USP12: variants seen among roughly 807,000 people sequenced by gnomAD.
The protein encoded by USP12 is ubiquitin carboxyl-terminal hydrolase 12.
In USP12, 19 loss-of-function variants were observed where a neutral mutation model predicts 45.5. The ratio of observed to expected loss-of-function variants is 0.42; its 90% CI spans 0.29 to 0.61. The LOEUF (loss-of-function observed/expected upper bound fraction) is 0.61. Among genes scored for constraint, USP12 ranks in the 20% least tolerant of loss-of-function variants. The probability of loss-of-function intolerance (pLI) is 0.22; values close to 1 mark genes in which losing one functional copy is unlikely to be tolerated. For synonymous variants in USP12, 149 were observed against 148.8 expected (o/e 1.00, Z -0.01); for missense variants, 242 against 447.7 (o/e 0.54, Z 4.15).
intron 3 of USP12, among the ~76,000 whole-genome samples, chr13:27,102,391 A>C (rs1474131989): frequency 6.6e-6 from 1 of 152,022 alleles, no homozygotes; most frequent in Non-Finnish European, 1.5e-5. Flanking sequence ...AGGCCCACCC[A>C]GCAGCCAAAG....
intron 6 of USP12, among the ~76,000 whole-genome samples, chr13:27,075,967 T>A (rs1873463617): frequency 2.0e-5 from 3 of 147,958 alleles, no homozygotes; most frequent in African/African-American, 5.0e-5. Context: ...GAGGCGGAGG[T>A]TGCAGTGAGC....
chr13:27,138,960 G>A (rs1876932051), intron 1 of USP12, among the ~76,000 whole-genome samples: 1 of 152,170 alleles, frequency 6.6e-6, no homozygotes, highest in Non-Finnish European at 1.5e-5. Flanking sequence ...AGGTGTCACA[G>A]TTTCAACGGT....
intron 1 of USP12, among the ~76,000 whole-genome samples, chr13:27,168,396 G>A (rs1566010802): frequency 6.6e-6 from 1 of 152,158 alleles, no homozygotes; most frequent in Non-Finnish European, 1.5e-5. Flanking sequence ...TCCAAAGCAG[G>A]GGCTGTCCTG....
chr13:27,094,001 C>T (rs1286725080), intron 4 of USP12, among the ~76,000 whole-genome samples: 1 of 152,122 alleles, frequency 6.6e-6, no homozygotes, highest in Non-Finnish European at 1.5e-5. Flanking sequence ...CTTTACAGGA[C>T]TCTTAGCTTT....
intron 6 of USP12, among the ~76,000 whole-genome samples, chr13:27,082,323 C>T (rs1873796966): frequency 6.6e-6 from 1 of 152,214 alleles, no homozygotes. Context: ...CCCACCCCTG[C>T]TAGCTTCAAA....
At chr13:27,120,830 T>C (rs1373094902) in intron 1 of USP12, among the ~76,000 whole-genome samples, 2 of 152,132 alleles carry the variant, frequency 1.3e-5, no homozygotes, top group Non-Finnish European at 2.9e-5. Context: ...GCCCTTCTGA[T>C]GAAAACAACC....
chr13:27,164,017 G>A (rs755604377), intron 1 of USP12, among the ~76,000 whole-genome samples: 8 of 151,272 alleles, frequency 5.3e-5, no homozygotes, highest in Non-Finnish European at 1.2e-4. Flanking sequence ...CATGCAGCAC[G>A]ATATAATGTA....
intron 1 of USP12, among the ~76,000 whole-genome samples, chr13:27,139,099 A>T (rs1876938441): frequency 6.6e-6 from 1 of 152,204 alleles, no homozygotes; most frequent in African/African-American, 2.4e-5. Flanking sequence ...ATTTTGCTGG[A>T]CTTTTCCCAG....
chr13:27,106,017 G>T, intron 2 of USP12, 73 bp from the exon 3 acceptor site: 1 of 1,291,554 alleles, frequency 7.7e-7, no homozygotes, highest in Non-Finnish European at 1.1e-6. Context: ...CCGGTATATG[G>T]TTGAGAACAG....
chr13:27,131,695 CTTTTA>C (rs961658925), intron 1 of USP12, among the ~76,000 whole-genome samples: 30 of 152,194 alleles, frequency 2.0e-4, no homozygotes, highest in Admixed American at 8.5e-4. Context: ...TGTATAAAAC[CTTTTA>C]TTTTATAAGT....
Position 27,067,491 on chromosome 13 carries a change from C to T in USP12, c.*1792G>A, listed in dbSNP as rs1380851268. On this transcript the variant is annotated 3_prime_UTR_variant, in exon 9 of 9. Transcript: ENST00000282344. ...CTTTAGGAACTATCTTAAAAAGAAA[C>T]TTGTCAAAATACTTTTTGATATTTT... 2 of 152,114 alleles carry T rather than the reference C, an allele frequency of 1.3e-5. No individual in the cohort carries two copies. Among genetic ancestry groups the T allele is most frequent in the African/African-American group, 4.8e-5 (2 of 41,424 alleles). 9.4% of individuals were successfully genotyped at this position (152,114 alleles called of 1,614,324 possible).
chr13:27,107,224 CT>C (rs1157413248), intron 2 of USP12, among the ~76,000 whole-genome samples: 1 of 152,154 alleles, frequency 6.6e-6, no homozygotes, highest in Non-Finnish European at 1.5e-5. Context: ...ACTCAGGAGG[CT>C]GAGGTATGAG....
intron 6 of USP12, among the ~76,000 whole-genome samples, chr13:27,083,419 C>T (rs148001162): frequency 1.3e-5 from 2 of 152,214 alleles, no homozygotes; most frequent in African/African-American, 4.8e-5. Flanking sequence ...GTTCTGTTCT[C>T]TAAGACCTGA....
chr13:27,153,667 G>C (rs1257646211), intron 1 of USP12, among the ~76,000 whole-genome samples: 1 of 152,104 alleles, frequency 6.6e-6, no homozygotes, highest in East Asian at 1.9e-4. Context: ...TTCTGATACT[G>C]TTCTGCTGGA....
chr13:27,110,032 A>AT (rs1195585834), intron 2 of USP12, among the ~76,000 whole-genome samples: 1 of 148,848 alleles, frequency 6.7e-6, no homozygotes, highest in African/African-American at 2.5e-5. Flanking sequence ...AGGTGATCAT[A>AT]TTTTTTAAAA....
chr13:27,105,227 C>T (rs1214945758), intron 3 of USP12, among the ~76,000 whole-genome samples: 2 of 152,290 alleles, frequency 1.3e-5, no homozygotes, highest in African/African-American at 2.4e-5. Context: ...CTTATCTACC[C>T]TAAGCCAAAA....
chr13:27,099,604 A>G (rs1331605643), intron 3 of USP12, among the ~76,000 whole-genome samples: 1 of 152,186 alleles, frequency 6.6e-6, no homozygotes, highest in East Asian at 1.9e-4. Flanking sequence ...CTGCAAATAG[A>G]CAAGTTTAAT....
intron 1 of USP12, among the ~76,000 whole-genome samples, chr13:27,122,264 G>A (rs142282572): frequency 5.5e-4 from 84 of 152,162 alleles, no homozygotes; most frequent in African/African-American, 1.7e-3. Context: ...TACTGTTCTC[G>A]TGGTAGTGAA....
chr13:27,133,444 T>C (rs1390550495), intron 1 of USP12, among the ~76,000 whole-genome samples: 1 of 152,100 alleles, frequency 6.6e-6, no homozygotes, highest in East Asian at 1.9e-4. Flanking sequence ...CTGGCTAACA[T>C]GGTGAAACCC....
Sources: gnomAD v4.1 joint callset for allele counts (sites outside exome capture counted in the v4.1 genomes callset) on GRCh38, gnomAD v4.1.1 for gene constraint, MANE v1.5 for transcripts, NCBI Gene and HGNC (gene_info 2026-07-23, HGNC 2026-07-21) for gene names.